The following GUCY2F variants were observed in gnomAD, a reference collection of about 807,000 sequenced individuals.
GUCY2F encodes the protein guanylate cyclase 2F, retinal, also known as retinal guanylyl cyclase 2.
In GUCY2F, 61 loss-of-function variants were observed where a neutral mutation model predicts 73.1. The observed-to-expected ratio is 0.83, with a 90% confidence interval of 0.68 to 1.03. GUCY2F has a LOEUF of 1.03. Among genes scored for constraint, GUCY2F ranks in the 50% least tolerant of loss-of-function variants. The pLI is 0.00. For missense variants in GUCY2F, 912 were observed against 854.3 expected (o/e 1.07, Z -0.84); for synonymous variants, 331 against 307.8 (o/e 1.08, Z -0.79).
intron 9 of GUCY2F, among the ~76,000 whole-genome samples, chrX:109,406,948 A>G (rs1445812542): frequency 1.8e-5 from 2 of 112,212 alleles, no homozygotes; most frequent in Non-Finnish European, 3.8e-5. Context: ...TATCAGCAGC[A>G]TGAAAATGGA....
chrX:109,444,903 G>C (rs1020999818), intron 6 of GUCY2F, among the ~76,000 whole-genome samples: 3 of 111,310 alleles, frequency 2.7e-5, no homozygotes, highest in African/African-American at 6.5e-5. Flanking sequence ...AAATAACTGT[G>C]AGGGTGAAAC....
intron 4 of GUCY2F, among the ~76,000 whole-genome samples, chrX:109,452,844 C>T (rs749465669): frequency 2.9e-4 from 32 of 111,595 alleles, no homozygotes; most frequent in Non-Finnish European, 5.3e-4. Context: ...AAAGTTTCCC[C>T]TCTTCCACAA....
chrX:109,427,356 C>T (rs1001266166), intron 8 of GUCY2F, among the ~76,000 whole-genome samples: 1 of 112,100 alleles, frequency 8.9e-6, no homozygotes, highest in South Asian at 3.7e-4. Flanking sequence ...GGGAATATGC[C>T]AATCAGTTCC....
chrX:109,381,018 G>A (rs1930293659), intron 17 of GUCY2F, among the ~76,000 whole-genome samples: 1 of 111,869 alleles, frequency 8.9e-6, no homozygotes, highest in Admixed American at 9.5e-5. Flanking sequence ...GCAAGAGGTG[G>A]GAAAGGAGCC....
intron 2 of GUCY2F, among the ~76,000 whole-genome samples, chrX:109,465,715 A>G (rs1932455823): frequency 1.8e-5 from 2 of 111,999 alleles, no homozygotes; most frequent in Admixed American, 9.4e-5. Context: ...GAGTAGCATA[A>G]CAAAAGAGGC....
rs780930929 is a variant in GUCY2F at position 109,475,890 on chromosome X, G to A, written c.47C>T (p.Ala16Val). Residue 16 changes from alanine to valine, a missense_variant, in exon 2 of 20, where the codon GCG (alanine) becomes GTG (valine). Coordinates refer to ENST00000218006, the MANE Select transcript of GUCY2F (RefSeq NM_001522.3). ...GRFSRLVLWF[A>V]AFRKLLGHHG... ...GTGTCCCAGCAGTTTCCTGAAAGCC[G>A]CAAACCAGAGAACAAGGCGAGAAAA... 3 of 1,206,189 alleles carry A rather than the reference G, an allele frequency of 2.5e-6. No individual in the cohort carries two copies. Among genetic ancestry groups the A allele is most frequent in the Non-Finnish European group, 3.4e-6 (3 of 893,645 alleles).
In GUCY2F at chrX:109,436,199, A is replaced by G. The variant is rs188296774; in HGVS notation, c.1701+5152T>C. Among the ~76,000 whole-genome samples the G allele has an allele frequency of 6.4e-3, 715 of 112,343 alleles. 3 individuals carry two copies. The highest frequency in any genetic ancestry group is 0.022 in the African/African-American group (672 of 30,872). On this transcript the variant is annotated intron_variant, in intron 7 of 19. Transcript: ENST00000218006. ...ACATGAAAAAATGCTCATCATCACT[A>G]GCCATCAGAGAAATGCAAATCAAAG...
At chrX:109,411,783 AAT>A (rs1270915374) in intron 8 of GUCY2F, among the ~76,000 whole-genome samples, 3 of 112,263 alleles carry the variant, frequency 2.7e-5, no homozygotes, top group African/African-American at 9.7e-5. Flanking sequence ...TAAGCAATTA[AAT>A]TTTAGGTAAA....
chrX:109,388,792 T>C (rs1356067101), intron 14 of GUCY2F, 129 bp from the exon 15 acceptor site: 1 of 450,812 alleles, frequency 2.2e-6, no homozygotes, highest in Non-Finnish European at 3.8e-6. Flanking sequence ...GGACTGTCAA[T>C]GATCCACAAG....
intron 17 of GUCY2F, among the ~76,000 whole-genome samples, chrX:109,379,161 G>A (rs943408828): frequency 2.7e-5 from 3 of 112,082 alleles, no homozygotes; most frequent in African/African-American, 9.7e-5. Flanking sequence ...ACTTATATTT[G>A]GAATCTAAAA....
At position 109,448,078 on chromosome X, in the gene GUCY2F, A is replaced by G. The variant is rs1039965870; in HGVS notation, c.1560T>C (p.Phe520=). 11 of 1,026,680 alleles carry G rather than the reference A, an allele frequency of 1.1e-5. No individual in the cohort carries two copies. The highest frequency in any genetic ancestry group is 5.6e-5 in the African/African-American group (3 of 53,512). The allele number at this position is 1,026,680 out of a possible 1,213,427, so 84.6% of individuals were successfully genotyped here. A position where few individuals can be genotyped will look rare whatever the true frequency, so the allele number is the denominator to read the frequency against. Residue 520 remains phenylalanine, a synonymous_variant, in exon 6 of 20, where the codon TTT becomes TTC. Coordinates refer to ENST00000218006, the MANE Select transcript of GUCY2F (RefSeq NM_001522.3). ...AGAGGATACTCCTTACCTTACTGCC[A>G]AAGTGGGGATTGATAAACGTTACAT... ...LEDVTFINPH[F]GSKRGSRASV...
intron 5 of GUCY2F, 48 bp from the exon 6 acceptor site, chrX:109,448,213 G>T: frequency 1.5e-6 from 1 of 645,315 alleles, no homozygotes; most frequent in Non-Finnish European, 2.6e-6. Flanking sequence ...GGGTGTTTTG[G>T]CAAAGCCAGG....
At chrX:109,391,573 C>G (rs188233485) in intron 14 of GUCY2F, among the ~76,000 whole-genome samples, 7 of 111,772 alleles carry the variant, frequency 6.3e-5, no homozygotes, top group Non-Finnish European at 1.9e-5. Context: ...GTGCCTAGTA[C>G]AGTACTGCCT....
Position 109,375,932 on chromosome X carries a change from T to C in GUCY2F, c.3294A>G (p.Lys1098=). ...PVEIAAFQRR[K]AERQLVRNKP ...TGTTTCTCACCAACTGCCTTTCTGC[T>C]TTTCTTCTTTGGAAGGCTGCAATCT... The change falls in exon 19 of 20, where the codon AAA becomes AAG. Residue 1098 remains lysine (K), a synonymous_variant. Coordinates refer to ENST00000218006, the MANE Select transcript of GUCY2F (RefSeq NM_001522.3). 1 of 1,210,354 alleles carries C rather than the reference T, an allele frequency of 8.3e-7. No individual in the cohort carries two copies. The highest frequency in any genetic ancestry group is 1.8e-5 in the South Asian group (1 of 56,986).
intron 3 of GUCY2F, 121 bp downstream of exon 3, chrX:109,465,021 G>A: frequency 2.0e-6 from 1 of 496,059 alleles, no homozygotes; most frequent in Non-Finnish European, 3.5e-6. Flanking sequence ...TTTTTAATTT[G>A]TCTGTGGTTG....
At chrX:109,416,201 A>G (rs1298680680) in intron 8 of GUCY2F, among the ~76,000 whole-genome samples, 2 of 101,150 alleles carry the variant, frequency 2.0e-5, no homozygotes, top group Non-Finnish European at 1.9e-5. Flanking sequence ...ATACTCCAGG[A>G]AAAAAAAAGG....
chrX:109,453,517 T>A lies in GUCY2F; in HGVS notation c.1375A>T (p.Ile459Phe), dbSNP rs978321185. Residue 459 changes from isoleucine (I) to phenylalanine (F), a missense_variant, in exon 4 of 20, where the codon ATC becomes TTC. Ile to Phe is a conservative substitution (Grantham distance 21). Transcript: ENST00000218006. ...TTGCATTCCTTACCTCCATGGCAGATCTTCCCTTCTGCAAACCAGCATTTT... is the reference window on the plus strand; with the variant it reads ...TTGCATTCCTTACCTCCATGGCAGAACTTCCCTTCTGCAAACCAGCATTTT... ...DAKCWFAEGK[I>F]CHGGIDPAFA... is the part of the protein sequence containing the mutation. The A allele has an allele frequency of 4.2e-6, 5 of 1,191,487 alleles. No homozygotes were observed. Among genetic ancestry groups the A allele is most frequent in the Non-Finnish European group, 5.7e-6 (5 of 879,271 alleles).
intron 12 of GUCY2F, among the ~76,000 whole-genome samples, chrX:109,394,162 C>T (rs752606404): frequency 2.7e-5 from 3 of 112,182 alleles, no homozygotes; most frequent in African/African-American, 9.7e-5. Flanking sequence ...ACAGCCTAAA[C>T]TTCCACTGAA....
At chrX:109,446,352 T>A (rs1351021490) in intron 6 of GUCY2F, among the ~76,000 whole-genome samples, 1 of 111,761 alleles carries the variant, frequency 8.9e-6, no homozygotes, top group African/African-American at 3.3e-5. Context: ...GCTGGAGGCA[T>A]CACACTACCT....
Sources: gnomAD v4.1 joint callset for allele counts (sites outside exome capture counted in the v4.1 genomes callset) on GRCh38, gnomAD v4.1.1 for gene constraint, MANE v1.5 for transcripts, NCBI Gene and HGNC (gene_info 2026-07-23, HGNC 2026-07-21) for gene names.